The following SMOC1 variants were observed in gnomAD, a reference collection of about 807,000 sequenced individuals.
SMOC1 encodes the protein SPARC-related modular calcium-binding protein 1.
SMOC1 carries 22 observed loss-of-function variants against 56.3 expected under a neutral mutation model. The ratio of observed to expected loss-of-function variants is 0.39; its 90% confidence interval spans 0.28 to 0.56. SMOC1 has a LOEUF of 0.56. SMOC1 is among the 20% of genes least tolerant of loss of function. The probability of loss-of-function intolerance (pLI) is 0.61; values close to 1 mark genes in which losing one functional copy is unlikely to be tolerated. For missense variants in SMOC1, 509 were observed against 565.4 expected, an observed-to-expected ratio of 0.90 and a Z score of 1.01; for synonymous variants, 193 against 215.0, an observed-to-expected ratio of 0.90 and a Z score of 0.89.
At chr14:69,915,632 C>G (rs185699617) in intron 1 of SMOC1, among the ~76,000 whole-genome samples, 128 of 152,346 alleles carry the variant, frequency 8.4e-4, no homozygotes, top group African/African-American at 2.8e-3. Context: ...TTACACCTCT[C>G]AGGCTTGTGT....
intron 11 of SMOC1, among the ~76,000 whole-genome samples, chr14:70,026,098 A>G (rs540048522): frequency 2.0e-5 from 3 of 152,366 alleles, no homozygotes; most frequent in African/African-American, 7.2e-5. Context: ...TCCTTGTTAG[A>G]TGAATGAATA....
chr14:69,899,058 G>A (rs1204394132), intron 1 of SMOC1, among the ~76,000 whole-genome samples: 1 of 152,172 alleles, frequency 6.6e-6, no homozygotes, highest in Non-Finnish European at 1.5e-5. Flanking sequence ...CTTAGGTGGA[G>A]CATGATGGCT....
chr14:69,921,614 G>A (rs1884845092), intron 1 of SMOC1, among the ~76,000 whole-genome samples: 1 of 152,172 alleles, frequency 6.6e-6, no homozygotes, highest in African/African-American at 2.4e-5. Context: ...TCTGTGTGGG[G>A]TTTTGTATTC....
In SMOC1 at chr14:69,931,265, C is replaced by T. The variant is rs370382915; in HGVS notation, c.100-20873C>T. On this transcript the variant is annotated intron_variant, in intron 1 of 11. Transcript: ENST00000361956. ...CTCCTCTGCCTGACATGCCTTTCCTCGTCTCAGCCATGAGGCCAAATGTTA... is the reference window on the plus strand; with the variant it reads ...CTCCTCTGCCTGACATGCCTTTCCTTGTCTCAGCCATGAGGCCAAATGTTA... 9.8e-5 allele frequency among the ~76,000 whole-genome samples: 15 copies of T among 152,352 alleles called. 2 individuals are homozygous for T. The highest frequency in any genetic ancestry group is 4.6e-4 in the Admixed American group (7 of 15,312).
At chr14:69,894,657 G>C (rs1249990928) in intron 1 of SMOC1, among the ~76,000 whole-genome samples, 1 of 152,170 alleles carries the variant, frequency 6.6e-6, no homozygotes, top group Non-Finnish European at 1.5e-5. Context: ...TGGGCTGTGT[G>C]GTGAGAAGGG....
intron 3 of SMOC1, among the ~76,000 whole-genome samples, chr14:69,972,674 G>A (rs1883809061): frequency 6.6e-6 from 1 of 152,146 alleles, no homozygotes; most frequent in Non-Finnish European, 1.5e-5. Flanking sequence ...TGTGCCCACT[G>A]GGATACAATG....
chr14:69,962,203 C>T (rs1327857902), intron 3 of SMOC1, among the ~76,000 whole-genome samples: 1 of 152,140 alleles, frequency 6.6e-6, no homozygotes, highest in Non-Finnish European at 1.5e-5. Flanking sequence ...CACTCTGTCA[C>T]CCAGGCTGGA....
At chr14:69,935,629 C>T (rs1329329487) in intron 1 of SMOC1, among the ~76,000 whole-genome samples, 1 of 152,196 alleles carries the variant, frequency 6.6e-6, no homozygotes, top group Non-Finnish European at 1.5e-5. Flanking sequence ...TGTTGTGACC[C>T]AGACCAAGAA....
intron 1 of SMOC1, chr14:69,886,223 C>A: frequency 1.4e-6 from 1 of 700,428 alleles, no homozygotes; most frequent in South Asian, 1.7e-5. Flanking sequence ...AATCCTCCTG[C>A]AGTGAGCATC....
At chr14:69,917,704 T>A (rs1287133154) in intron 1 of SMOC1, among the ~76,000 whole-genome samples, 3 of 152,220 alleles carry the variant, frequency 2.0e-5, no homozygotes, top group African/African-American at 7.2e-5. Context: ...TTTCTTCACC[T>A]TCTTTTCAAA....
intron 9 of SMOC1, among the ~76,000 whole-genome samples, chr14:70,012,646 G>T (rs1362311467): frequency 6.6e-6 from 1 of 152,202 alleles, no homozygotes; most frequent in Non-Finnish European, 1.5e-5. Flanking sequence ...TGGGAGTAGT[G>T]TAGAGGGCCC....
At chr14:69,960,350 T>G (rs1367849508) in intron 3 of SMOC1, among the ~76,000 whole-genome samples, 4 of 152,196 alleles carry the variant, frequency 2.6e-5, no homozygotes, top group Admixed American at 2.6e-4. Context: ...CTGGAATGTT[T>G]CCAAGCTTCT....
chr14:69,905,724 GT>G (rs1195504229), intron 1 of SMOC1, among the ~76,000 whole-genome samples: 1 of 152,200 alleles, frequency 6.6e-6, no homozygotes, highest in East Asian at 1.9e-4. Context: ...ATGGCAGCCA[GT>G]TGGATGTGGA....
intron 1 of SMOC1, among the ~76,000 whole-genome samples, chr14:69,909,538 G>A (rs1189688993): frequency 6.6e-6 from 1 of 152,162 alleles, no homozygotes; most frequent in Non-Finnish European, 1.5e-5. Flanking sequence ...AGCTCAGAGG[G>A]TAGCATTGGG....
At chr14:70,024,267 A>G (rs1885844234) in intron 11 of SMOC1, among the ~76,000 whole-genome samples, 1 of 152,134 alleles carries the variant, frequency 6.6e-6, no homozygotes, top group South Asian at 2.1e-4. Context: ...AGCAACATAT[A>G]TAGGGGCACC....
chr14:70,010,569 C>T (rs1885298667), intron 7 of SMOC1, among the ~76,000 whole-genome samples, 185 bp from the exon 8 acceptor site: 1 of 152,228 alleles, frequency 6.6e-6, no homozygotes, highest in South Asian at 2.1e-4. Context: ...GGTTCTGAAC[C>T]TCCAGGCCCC....
In SMOC1 at chr14:69,952,357, C is replaced by A. The variant is rs1360632721; in HGVS notation, c.265+54C>A. On this transcript the variant is annotated intron_variant, in intron 2 of 11. Transcript: ENST00000361956. ...GGAGAGGTTCCTGGGCACCCCAGCT[C>A]CCTCACTATGCATTTGCAACAGGGA... The A allele has an allele frequency of 1.9e-6, 3 of 1,605,244 alleles. No individual in the cohort carries two copies. The African/African-American group carries it at 4.0e-5, about 21-fold the overall frequency.
chr14:69,970,677 C>T (rs751788079), intron 3 of SMOC1, among the ~76,000 whole-genome samples: 10 of 152,106 alleles, frequency 6.6e-5, no homozygotes, highest in Non-Finnish European at 8.8e-5. Flanking sequence ...ATGTGTTGTT[C>T]ATCTGTCGGC....
chr14:69,920,344 T>C (rs1010873799), intron 1 of SMOC1, among the ~76,000 whole-genome samples: 2 of 152,210 alleles, frequency 1.3e-5, no homozygotes, highest in African/African-American at 4.8e-5. Flanking sequence ...CTGTAGGTTT[T>C]ATGGACATGT....
Sources: allele counts gnomAD v4.1 joint callset (sites outside exome capture counted in the v4.1 genomes callset), GRCh38; gene constraint gnomAD v4.1.1; transcripts MANE v1.5; gene names NCBI Gene and HGNC (gene_info 2026-07-23, HGNC 2026-07-21).